Variants in KDM2A observed in about 807,000 individuals in gnomAD.
The protein encoded by KDM2A is lysine-specific demethylase 2A.
Under a neutral mutation model 137.3 loss-of-function variants are expected in KDM2A, and 3 were observed. That is an observed-to-expected ratio of 0.02 (90% CI 0.01 to 0.06). The LOEUF is 0.06. Among genes scored for constraint, KDM2A ranks in the 10% least tolerant of loss-of-function variants. The pLI, the probability that KDM2A is intolerant of heterozygous loss-of-function variation, is 1.00. For synonymous variants in KDM2A, 512 were observed against 541.5 expected (o/e 0.95, Z 0.76); for missense variants, 738 against 1,510.6 (o/e 0.49, Z 8.48).
chr11:67,250,291 A>G lies in KDM2A; in HGVS notation c.2261A>G (p.Asp754Gly). The G allele has an allele frequency of 1.2e-6, 2 of 1,613,934 alleles. No individual in the cohort carries two copies. The highest frequency in any genetic ancestry group is 8.5e-7 in the Non-Finnish European group (1 of 1,179,890). ...AGCGACCACCACAGTGCCAGCCGCG[A>G]TGAGCGCTTCAAACGGCGGCAGTTG... ...GPSDHHSASR[D>G]ERFKRRQLLR... The change falls in exon 17 of 21, where the codon GAT (aspartate) becomes GGT (glycine). Residue 754 changes from aspartate to glycine, a missense_variant. Coordinates refer to ENST00000529006, the MANE Select transcript of KDM2A (RefSeq NM_012308.3). This position sits in a 1 kb window ranked among gnomAD's most constrained non-coding sequence, Gnocchi z 7.1.
At chr11:67,203,728 T>C (rs1033223348) in intron 5 of KDM2A, among the ~76,000 whole-genome samples, 1 of 151,014 alleles carries the variant, frequency 6.6e-6, no homozygotes, top group Non-Finnish European at 1.5e-5. Flanking sequence ...CACTCCAGCC[T>C]GGGTGACAGA....
At chr11:67,160,481 A>C (rs1856610937) in intron 2 of KDM2A, among the ~76,000 whole-genome samples, 1 of 152,154 alleles carries the variant, frequency 6.6e-6, no homozygotes, top group Admixed American at 6.5e-5. Context: ...TTTAAGAAAT[A>C]GATCTTCTGG....
chr11:67,120,853 G>A (rs1855583195), intron 1 of KDM2A, among the ~76,000 whole-genome samples: 1 of 151,728 alleles, frequency 6.6e-6, no homozygotes, highest in Admixed American at 6.6e-5. Context: ...ATTTGGTTAG[G>A]ATCTGGATTA....
chr11:67,132,774 A>T (rs1855882537), intron 2 of KDM2A, among the ~76,000 whole-genome samples: 1 of 152,158 alleles, frequency 6.6e-6, no homozygotes, highest in Non-Finnish European at 1.5e-5. Context: ...GCATTAACTG[A>T]GTGTCTGGGA....
chr11:67,152,922 GT>G (rs1856427772), intron 2 of KDM2A, among the ~76,000 whole-genome samples: 2 of 144,482 alleles, frequency 1.4e-5, no homozygotes, highest in Non-Finnish European at 3.1e-5. Context: ...GTGTGTGTGT[GT>G]GTGTGTGTGT....
chr11:67,231,855 T>A lies in KDM2A; in HGVS notation c.1374T>A (p.Leu458=). 1 of 1,614,054 alleles carries A rather than the reference T, an allele frequency of 6.2e-7. No homozygotes were observed. The highest frequency in any genetic ancestry group is 8.5e-7 in the Non-Finnish European group (1 of 1,179,894). Reference sequence around the variant, plus strand: ...AAGTGCATCTGACCCATTTTGAGCTTGAAGGCCTTCGCTGCCTTGTAGATA... The same window carrying A: ...AAGTGCATCTGACCCATTTTGAGCTAGAAGGCCTTCGCTGCCTTGTAGATA... ...DRQVHLTHFE[L]EGLRCLVDKL... Residue 458 remains leucine (L), a synonymous_variant, in exon 12 of 21, where the codon CTT becomes CTA. Transcript: ENST00000529006.
At chr11:67,202,980 G>A (rs1857680466) in intron 5 of KDM2A, among the ~76,000 whole-genome samples, 1 of 149,338 alleles carries the variant, frequency 6.7e-6, no homozygotes, top group African/African-American at 2.5e-5. Flanking sequence ...GGGCAACAGA[G>A]CAAGACCCTG....
chr11:67,256,749 T>C lies in KDM2A; in HGVS notation c.*1694T>C, dbSNP rs1226675382. 6.5e-6 allele frequency: 1 copy of C among 152,674 alleles called. No homozygotes were observed. The highest frequency in any genetic ancestry group is 2.4e-5 in the African/African-American group (1 of 41,464). The allele number at this position is 152,674 out of a possible 1,614,324, so 9.5% of individuals were successfully genotyped here. A position where few individuals can be genotyped will look rare whatever the true frequency, so the allele number is the denominator to read the frequency against. On this transcript the variant is annotated 3_prime_UTR_variant, in exon 21 of 21. Coordinates refer to ENST00000529006, the MANE Select transcript of KDM2A (RefSeq NM_012308.3). ...CCCCTCTTTGCCACCTAGGCCAGTT[T>C]TGACCCTGGCATTAACTGGCCTTAG...
At chr11:67,171,689 A>C (rs767319369) in intron 2 of KDM2A, among the ~76,000 whole-genome samples, 1 of 152,240 alleles carries the variant, frequency 6.6e-6, no homozygotes, top group Non-Finnish European at 1.5e-5. Context: ...TAATTCTCAC[A>C]GTGTGATTAT....
chr11:67,255,062 C>T lies in KDM2A; in HGVS notation c.*7C>T, dbSNP rs1432237306. 1.9e-6 allele frequency: 3 copies of T among 1,605,032 alleles called. No individual in the cohort carries two copies. The highest frequency in any genetic ancestry group is 2.2e-5 in the East Asian group (1 of 44,514). The stretch of plus-strand genomic sequence containing the variant: ...GATACAGAAGATCAGCTAAGACACA[C>T]CCAGCCCAGATTCAACAGGAAACCG... On this transcript the variant is annotated 3_prime_UTR_variant, in exon 21 of 21. Coordinates refer to ENST00000529006, the MANE Select transcript of KDM2A (RefSeq NM_012308.3).
At chr11:67,150,048 A>G (rs926088679) in intron 2 of KDM2A, among the ~76,000 whole-genome samples, 74 of 152,356 alleles carry the variant, frequency 4.9e-4, no homozygotes, top group Non-Finnish European at 1.5e-5. Context: ...GATACTCAGT[A>G]AACAAAAGAT....
chr11:67,168,643 A>T, intron 2 of KDM2A, among the ~76,000 whole-genome samples: 1 of 147,474 alleles, frequency 6.8e-6, no homozygotes, highest in African/African-American at 2.5e-5. Flanking sequence ...ACACACACAC[A>T]CACACACACA....
At chr11:67,190,055 T>C (rs956083519) in intron 5 of KDM2A, among the ~76,000 whole-genome samples, 1 of 151,826 alleles carries the variant, frequency 6.6e-6, no homozygotes, top group Non-Finnish European at 1.5e-5. Context: ...TAAACAAAAT[T>C]GACAAAGCTT....
At chr11:67,241,804 C>G (rs1859051016) in intron 12 of KDM2A, among the ~76,000 whole-genome samples, 1 of 152,210 alleles carries the variant, frequency 6.6e-6, no homozygotes, top group African/African-American at 2.4e-5. Context: ...TGCAGTGGCT[C>G]ATGCCTGTAA....
intron 12 of KDM2A, chr11:67,240,301 A>G: frequency 3.3e-6 from 5 of 1,535,640 alleles, no homozygotes; most frequent in Non-Finnish European, 4.4e-6. Context: ...CAGTACAGAA[A>G]ACAAAACAAA....
At chr11:67,173,216 G>A (rs763322431) in intron 2 of KDM2A, among the ~76,000 whole-genome samples, 3 of 152,126 alleles carry the variant, frequency 2.0e-5, no homozygotes, top group Non-Finnish European at 4.4e-5. Flanking sequence ...TCTGCCTCGC[G>A]GGTTCAAGCA....
At chr11:67,179,626 G>A (rs1368400306) in intron 2 of KDM2A, among the ~76,000 whole-genome samples, 1 of 152,146 alleles carries the variant, frequency 6.6e-6, no homozygotes, top group African/African-American at 2.4e-5. Context: ...TCTGAGACAA[G>A]GGTTTTTGAT....
At chr11:67,120,411 G>A (rs1246454396) in intron 1 of KDM2A, among the ~76,000 whole-genome samples, 3 of 152,200 alleles carry the variant, frequency 2.0e-5, no homozygotes, top group Non-Finnish European at 4.4e-5. Context: ...GGGAACCTGT[G>A]TTCTCAATGG....
rs770605210 is a variant in KDM2A, at chr11:67,231,716, G to A, written c.1235G>A (p.Arg412Gln). 27 of 1,613,836 alleles carry A rather than the reference G, an allele frequency of 1.7e-5. No individual in the cohort carries two copies. The highest frequency in any genetic ancestry group is 1.6e-4 in the Middle Eastern group (1 of 6,084). The change falls in exon 12 of 21, where the codon CGA becomes CAA. Residue 412 changes from arginine to glutamine, a missense_variant. Around this residue, in one of 9 missense-constraint regions of KDM2A, gnomAD observed 113 missense variants for 133.5 expected, o/e 0.85. Coordinates refer to ENST00000529006, the MANE Select transcript of KDM2A (RefSeq NM_012308.3). ...TATGATGGACTGGGCAAAACCTGCC[G>A]AAGTCTTCCAAGTCTGAAGAAAACT... ...LDYDGLGKTC[R>Q]SLPSLKKTLA...
Sources: allele counts gnomAD v4.1 joint callset (sites outside exome capture counted in the v4.1 genomes callset), GRCh38; gene constraint gnomAD v4.1.1; regional missense constraint gnomAD v4.1.1; non-coding constraint Gnocchi (gnomAD v3.1); transcripts MANE v1.5; gene names NCBI Gene and HGNC (gene_info 2026-07-23, HGNC 2026-07-21).